Variants in SLC26A5 observed in about 807,000 individuals in gnomAD.
SLC26A5 encodes prestin.
In SLC26A5, 51 loss-of-function variants were observed where a neutral mutation model predicts 81.0. The ratio of observed to expected loss-of-function variants is 0.63; its 90% confidence interval spans 0.50 to 0.80. The LOEUF (loss-of-function observed/expected upper bound fraction) is 0.80. SLC26A5 is among the 30% of genes least tolerant of loss of function. The probability of loss-of-function intolerance (pLI) is 0.00; values close to 1 mark genes in which losing one functional copy is unlikely to be tolerated. For synonymous variants in SLC26A5, 325 were observed against 332.8 expected (o/e 0.98, Z 0.25); for missense variants, 771 against 905.8 (o/e 0.85, Z 1.91).
At chr7:103,439,267 A>G (rs1826691265) in intron 2 of SLC26A5, among the ~76,000 whole-genome samples, 1 of 152,138 alleles carries the variant, frequency 6.6e-6, no homozygotes. Flanking sequence ...TAATTTGGAG[A>G]GGAAAGGAAA....
Position 103,376,830 on chromosome 7 carries a change from A to G in SLC26A5, c.2019T>C (p.Tyr673=), listed in dbSNP as rs144727997. Residue 673 remains tyrosine, a synonymous_variant, in exon 19 of 20, where the codon TAT becomes TAC. Coordinates refer to ENST00000306312, the MANE Select transcript of SLC26A5 (RefSeq NM_198999.3). ...IVKEYGDVGI[Y]VYLAGCSAQV... ...CACCACTGCATCCTGCTAAGTATAC[A>G]TATATACCGACGTCTCCATATTCTT... is the stretch of plus-strand genomic sequence containing the variant. 3.6e-5 allele frequency: 58 copies of G among 1,605,136 alleles called. No homozygotes were observed. The African/African-American group carries it at 7.1e-4, about 20-fold the overall frequency.
At chr7:103,445,060 T>A (rs114847674) in intron 1 of SLC26A5, 1 of 152,322 alleles carries the variant, frequency 6.6e-6, no homozygotes, top group African/African-American at 2.4e-5. Context: ...AGTTTTCAGA[T>A]AGGAAAAAGC....
Position 103,374,441 on chromosome 7 carries a change from C to T in SLC26A5, c.2193G>A (p.Glu731=). The change falls in exon 20 of 20, where the codon GAG becomes GAA. Residue 731 remains glutamate, a synonymous_variant. Coordinates refer to ENST00000306312, the MANE Select transcript of SLC26A5 (RefSeq NM_198999.3). ...EQEASAPPSQ[E]DLEPNATPAT... ...CAGGAGTGGCATTGGGCTCCAAGTC[C>T]TCCTGGGAAGGGGGAGCCGAGGCTT... 6.2e-7 allele frequency: 1 copy of T among 1,612,830 alleles called. No individual in the cohort carries two copies. The highest frequency in any genetic ancestry group is 8.5e-7 in the Non-Finnish European group (1 of 1,179,988).
At chr7:103,364,073 G>C in intron 19 of SLC26A5, 1 of 1,443,020 alleles carries the variant, frequency 6.9e-7, no homozygotes, top group Non-Finnish European at 9.4e-7. Flanking sequence ...AAAGCACTTT[G>C]TTGATTTAGA....
At chr7:103,365,819 C>G (rs1301056438) in intron 19 of SLC26A5, among the ~76,000 whole-genome samples, 1 of 151,364 alleles carries the variant, frequency 6.6e-6, no homozygotes, top group Non-Finnish European at 1.5e-5. Context: ...TCCCAGCTAC[C>G]CGGGAGGCTG....
chr7:103,438,011 T>C (rs1826585030), intron 2 of SLC26A5, among the ~76,000 whole-genome samples: 1 of 152,178 alleles, frequency 6.6e-6, no homozygotes, highest in Non-Finnish European at 1.5e-5. Flanking sequence ...AGTTCTAGAA[T>C]AGGCAAAACT....
At chr7:103,385,437 A>C (rs1266049760) in intron 14 of SLC26A5, among the ~76,000 whole-genome samples, 1 of 152,028 alleles carries the variant, frequency 6.6e-6, no homozygotes, top group Non-Finnish European at 1.5e-5. Context: ...TTGTCTCTTA[A>C]CTATGCCTGC....
chr7:103,369,926 GA>G (rs1466244519), downstream of SLC26A5, among the ~76,000 whole-genome samples: 1 of 152,156 alleles, frequency 6.6e-6, no homozygotes, highest in African/African-American at 2.4e-5. Context: ...CCAGTATAAT[GA>G]AAAGCCTGGT....
intron 15 of SLC26A5, 115 bp from the exon 16 acceptor site, chr7:103,379,450 C>T: frequency 3.3e-6 from 2 of 613,274 alleles, no homozygotes; most frequent in East Asian, 3.1e-5. Flanking sequence ...GTCCCCTTTT[C>T]AGGGCTTAGC....
rs1824635582 is a variant in SLC26A5, at chr7:103,413,077, T to C, written c.328A>G (p.Ile110Val). 1 of 1,613,892 alleles carries C rather than the reference T, an allele frequency of 6.2e-7. No individual in the cohort carries two copies. Among genetic ancestry groups the C allele is most frequent in the South Asian group, 1.1e-5 (1 of 91,064 alleles). ...AFAMLAAVPPIFGLYSSFYPV... is the reference protein window; with the variant it reads ...AFAMLAAVPPVFGLYSSFYPV... ...TAAAATGAAGAGTACAGGCCAAATA[T>C]TGGAGGCACAGCTGCCAGCATTGCA... Residue 110 changes from isoleucine to valine, a missense_variant, in exon 5 of 20, where the codon ATA (isoleucine) becomes GTA (valine). Coordinates refer to ENST00000306312, the MANE Select transcript of SLC26A5 (RefSeq NM_198999.3).
At chr7:103,403,272 T>A (rs1823754319) in intron 8 of SLC26A5, among the ~76,000 whole-genome samples, 1 of 152,030 alleles carries the variant, frequency 6.6e-6, no homozygotes, top group South Asian at 2.1e-4. Context: ...TTGTATTTGC[T>A]AAGTGTTTTA....
At chr7:103,418,132 C>T (rs929050459) in intron 4 of SLC26A5, among the ~76,000 whole-genome samples, 5 of 152,188 alleles carry the variant, frequency 3.3e-5, no homozygotes, top group Non-Finnish European at 7.3e-5. Flanking sequence ...CCCTCCTCTT[C>T]ACCATCCCCA....
At chr7:103,412,552 T>G (rs866131579) in intron 5 of SLC26A5, among the ~76,000 whole-genome samples, 8 of 137,170 alleles carry the variant, frequency 5.8e-5, no homozygotes, top group South Asian at 2.4e-4. Context: ...GTTTTTTTTT[T>G]GTTTTTTTTT....
At position 103,374,340 on chromosome 7, in the gene SLC26A5, C is replaced by T. The variant is rs571330507; in HGVS notation, c.*59G>A. On this transcript the variant is annotated 3_prime_UTR_variant, in exon 20 of 20. Coordinates refer to ENST00000306312, the MANE Select transcript of SLC26A5 (RefSeq NM_198999.3). ...AAAATCTAGCGTCTAGTATTTAAAA[C>T]GTGTAAATTATGAACTTCATGAGAG... The T allele has an allele frequency of 1.1e-5, 18 of 1,603,828 alleles. No individual in the cohort carries two copies. Among genetic ancestry groups the T allele is most frequent in the Middle Eastern group, 4.5e-4 (2 of 4,406 alleles).
At position 103,374,543 on chromosome 7, in the gene SLC26A5, G is replaced by C; in HGVS notation, c.2091C>G (p.Ala697=). The change falls in exon 20 of 20, where the codon GCC becomes GCG. Residue 697 remains alanine (A), a synonymous_variant. Coordinates refer to ENST00000306312, the MANE Select transcript of SLC26A5 (RefSeq NM_198999.3). ...LTRNRFFENP[A]LWELLFHSIH... is the part of the protein sequence containing the mutation. ...TGCTGTGGAACAGCAGCTCCCATAG[G>C]GCAGGATTTTCAAAAAATCTATTCC... The C allele has an allele frequency of 6.2e-7, 1 of 1,613,832 alleles. No individual in the cohort carries two copies. The highest frequency in any genetic ancestry group is 8.5e-7 in the Non-Finnish European group (1 of 1,179,962).
intron 9 of SLC26A5, among the ~76,000 whole-genome samples, chr7:103,395,566 C>T (rs1296738772): frequency 7.0e-6 from 1 of 143,808 alleles, no homozygotes; most frequent in Non-Finnish European, 1.5e-5. Flanking sequence ...TCTTGTTGCC[C>T]AGGCTAGAAT....
At chr7:103,353,819 TAAAAC>T (rs1819868257) in intron 19 of SLC26A5, 2 of 1,025,002 alleles carry the variant, frequency 2.0e-6, no homozygotes, top group South Asian at 1.4e-5. Flanking sequence ...GACACTCACT[TAAAAC>T]AATTTGAATC....
intron 2 of SLC26A5, among the ~76,000 whole-genome samples, chr7:103,432,468 A>C (rs191506449): frequency 6.6e-6 from 1 of 152,344 alleles, no homozygotes; most frequent in East Asian, 1.9e-4. Flanking sequence ...CAGTTTAATA[A>C]TCTACTTTTG....
intron 19 of SLC26A5, chr7:103,366,180 A>G (rs1219570273): frequency 6.3e-7 from 1 of 1,582,230 alleles, no homozygotes; most frequent in East Asian, 2.2e-5. Flanking sequence ...ATGATACGTT[A>G]GAGAACTGCT....
Sources: gnomAD v4.1 joint callset for allele counts (sites outside exome capture counted in the v4.1 genomes callset) on GRCh38, gnomAD v4.1.1 for gene constraint, MANE v1.5 for transcripts, NCBI Gene and HGNC (gene_info 2026-07-23, HGNC 2026-07-21) for gene names.